The following DENND6A variants were observed in gnomAD, a reference collection of about 807,000 sequenced individuals.
The protein encoded by DENND6A is protein DENND6A.
A neutral mutation model predicts 95.5 loss-of-function variants in DENND6A; 43 were observed. That is an observed-to-expected ratio of 0.45 (90% CI 0.35 to 0.58). The LOEUF (loss-of-function observed/expected upper bound fraction) is 0.58, where lower values mean the gene tolerates loss of function less well. Ranked by LOEUF, DENND6A falls within the 20% of genes least tolerant of loss-of-function variation. DENND6A has a pLI of 0.00. For missense variants in DENND6A, 574 were observed against 736.0 expected (o/e 0.78, Z 2.55); for synonymous variants, 257 against 260.4 (o/e 0.99, Z 0.13).
chr3:57,670,184 G>T (rs1387526067), intron 3 of DENND6A, among the ~76,000 whole-genome samples: 2 of 152,132 alleles, frequency 1.3e-5, no homozygotes, highest in Non-Finnish European at 2.9e-5. Context: ...ATGTATGCAT[G>T]CGGGGGACTT....
intron 15 of DENND6A, among the ~76,000 whole-genome samples, chr3:57,632,954 A>G (rs1429114381): frequency 6.6e-6 from 1 of 152,266 alleles, no homozygotes; most frequent in Non-Finnish European, 1.5e-5. Context: ...TAGTAACTAC[A>G]TAACATTTCA....
rs764949328 is a variant in DENND6A at position 57,641,720 on chromosome 3, G to A, written c.1065C>T (p.Asn355=). 1 of 1,613,190 alleles carries A rather than the reference G, an allele frequency of 6.2e-7. No homozygotes were observed. Among genetic ancestry groups the A allele is most frequent in the Non-Finnish European group, 8.5e-7 (1 of 1,179,616 alleles). ...GCTGGAGTGTCTTAGCAAAAAAAGG[G>A]TTGGTTACTCCTAATATAACTGAGG... ...APPSVILGVT[N]PFFAKTLQHW... is the part of the protein sequence containing the mutation. The change falls in exon 12 of 20, where the codon AAC becomes AAT. Residue 355 remains asparagine (N), a synonymous_variant. Transcript: ENST00000311128.
chr3:57,692,662 G>A, intron 1 of DENND6A, 120 bp downstream of exon 1: 5 of 917,348 alleles, frequency 5.5e-6, no homozygotes, highest in East Asian at 3.3e-5. Context: ...AGGGGAGACT[G>A]GCCACGCCCG....
At chr3:57,664,798 A>G (rs2071500845) in intron 4 of DENND6A, among the ~76,000 whole-genome samples, 1 of 152,162 alleles carries the variant, frequency 6.6e-6, no homozygotes, top group Non-Finnish European at 1.5e-5. Flanking sequence ...ACGCCACTGC[A>G]CTCCAGCCTG....
chr3:57,666,017 A>T, intron 4 of DENND6A, 106 bp downstream of exon 4: 2 of 854,818 alleles, frequency 2.3e-6, no homozygotes, highest in South Asian at 1.7e-5. Flanking sequence ...ATAATATAGT[A>T]GCAAAACAAA....
At chr3:57,661,403 A>C in intron 6 of DENND6A, 43 bp downstream of exon 6, 1 of 1,384,604 alleles carries the variant, frequency 7.2e-7, no homozygotes, top group Non-Finnish European at 9.7e-7. Flanking sequence ...TATTTCCAGT[A>C]AAAATTTTAA....
Position 57,633,273 on chromosome 3 carries a change from T to C in DENND6A, c.1345A>G (p.Ile449Val). The C allele has an allele frequency of 6.2e-7, 1 of 1,612,486 alleles. No individual in the cohort carries two copies. The highest frequency in any genetic ancestry group is 8.5e-7 in the Non-Finnish European group (1 of 1,179,038). The change falls in exon 15 of 20, where the codon ATT (isoleucine) becomes GTT (valine). Residue 449 changes from isoleucine (I) to valine (V), a missense_variant. This residue lies in a region of DENND6A where 452 missense variants were observed against 630.9 expected (regional missense o/e 0.72). Transcript: ENST00000311128. ...TTTATTTATTAACTTACTAATGGAATGATGAAACTTTGTGTCAGTTCCAAA... is the reference window on the plus strand; with the variant it reads ...TTTATTTATTAACTTACTAATGGAACGATGAAACTTTGTGTCAGTTCCAAA... ...YFLELTQSFI[I>V]PLERYVASLM...
At chr3:57,639,550 T>G (rs1278057214) in intron 12 of DENND6A, among the ~76,000 whole-genome samples, 4 of 152,172 alleles carry the variant, frequency 2.6e-5, no homozygotes, top group African/African-American at 9.7e-5. Context: ...TTTAAAAAAA[T>G]TTATCATATC....
At chr3:57,672,156 G>T in intron 3 of DENND6A, 100 bp downstream of exon 3, 2 of 1,119,334 alleles carry the variant, frequency 1.8e-6, no homozygotes, top group Non-Finnish European at 2.5e-6. Context: ...TGATCTGTTT[G>T]CAATCTAATA....
intron 1 of DENND6A, among the ~76,000 whole-genome samples, chr3:57,674,471 A>C (rs946532368): frequency 6.6e-6 from 1 of 152,020 alleles, no homozygotes; most frequent in Non-Finnish European, 1.5e-5. Context: ...TCTCTACTAA[A>C]AATACAAAAA....
At chr3:57,668,793 G>A (rs545985146) in intron 3 of DENND6A, among the ~76,000 whole-genome samples, 39 of 152,312 alleles carry the variant, frequency 2.6e-4, no homozygotes, top group Non-Finnish European at 4.4e-4. Flanking sequence ...CCTAAAGACT[G>A]CTCTACTGTG....
At chr3:57,642,443 C>T (rs1363821780) in intron 11 of DENND6A, among the ~76,000 whole-genome samples, 1 of 151,382 alleles carries the variant, frequency 6.6e-6, no homozygotes. Flanking sequence ...GCGTTTTTTG[C>T]CAAGTGGATG....
At chr3:57,653,870 G>A (rs2071264478) in intron 9 of DENND6A, among the ~76,000 whole-genome samples, 1 of 149,726 alleles carries the variant, frequency 6.7e-6, no homozygotes, top group Non-Finnish European at 1.5e-5. Flanking sequence ...TCCCATTCTG[G>A]CGTATCATGC....
In DENND6A at chr3:57,661,459, A is replaced by C. The variant is rs532617987; in HGVS notation, c.606T>G (p.Pro202=). 17 of 1,566,388 alleles carry C rather than the reference A, an allele frequency of 1.1e-5. No homozygotes were observed. In the African/African-American group the frequency reaches 2.4e-4, roughly 22 times the overall value. Residue 202 remains proline (P), a synonymous_variant, in exon 6 of 20, where the codon CCT becomes CCG. Coordinates refer to ENST00000311128, the MANE Select transcript of DENND6A (RefSeq NM_152678.3). ...IAPEYFEKNE[P]YLEAACNDVD... The stretch of plus-strand genomic sequence containing the variant: ...TGTTAAACTTACCTGCTTCCAAATA[A>C]GGTTCATTCTTTTCAAAATACTCTG...
rs960211242 is a variant in DENND6A at position 57,693,057 on chromosome 3, A to C, written c.-39T>G. ...ACCGTTCGCGCCGCCTCCACAGCGG[A>C]CCGCGCCGCAGAGCGCGCTTGCCTC... On this transcript the variant is annotated 5_prime_UTR_variant, in exon 1 of 20. Coordinates refer to ENST00000311128, the MANE Select transcript of DENND6A (RefSeq NM_152678.3). 1 of 1,354,792 alleles carries C rather than the reference A, an allele frequency of 7.4e-7. No homozygotes were observed. Among genetic ancestry groups the C allele is most frequent in the East Asian group, 3.1e-5 (1 of 32,496 alleles). 83.9% of individuals were successfully genotyped at this position (1,354,792 alleles called of 1,614,324 possible). A position where few individuals can be genotyped will look rare whatever the true frequency, so the allele number is the denominator to read the frequency against.
At position 57,663,329 on chromosome 3, in the gene DENND6A, C is replaced by T. The variant is rs373234388; in HGVS notation, c.513+307G>A. Among the ~76,000 whole-genome samples, 10 of 149,906 alleles carry T rather than the reference C, an allele frequency of 6.7e-5. No individual in the cohort carries two copies. The East Asian group carries it at 1.6e-3, about 24-fold the overall frequency. ...AAAATACAAAAAATTAGCCAGGCGT[C>T]GGGCGGGCACCTGTAATCCCAGCTA... On this transcript the variant is annotated intron_variant, in intron 5 of 19. Transcript: ENST00000311128.
At chr3:57,652,383 G>A (rs1415763743) in intron 9 of DENND6A, among the ~76,000 whole-genome samples, 1 of 152,128 alleles carries the variant, frequency 6.6e-6, no homozygotes, top group Non-Finnish European at 1.5e-5. Flanking sequence ...AGCTGTGCGA[G>A]TAAGCCTTGT....
At chr3:57,649,431 T>C (rs2071147477) in intron 9 of DENND6A, among the ~76,000 whole-genome samples, 1 of 151,692 alleles carries the variant, frequency 6.6e-6, no homozygotes, top group Non-Finnish European at 1.5e-5. Flanking sequence ...ACAACCACTA[T>C]GGAAAACCGT....
At chr3:57,687,395 C>T (rs2077220555) in intron 1 of DENND6A, among the ~76,000 whole-genome samples, 1 of 152,152 alleles carries the variant, frequency 6.6e-6, no homozygotes, top group Non-Finnish European at 1.5e-5. Context: ...TGGAAGCTAG[C>T]AGGAGTTGGT....
Sources: allele counts gnomAD v4.1 joint callset (sites outside exome capture counted in the v4.1 genomes callset), GRCh38; gene constraint gnomAD v4.1.1; regional missense constraint gnomAD v4.1.1; transcripts MANE v1.5; gene names NCBI Gene and HGNC (gene_info 2026-07-23, HGNC 2026-07-21).